TBC1D8: variants seen among roughly 807,000 people sequenced by gnomAD.
TBC1D8 encodes the protein TBC1 domain family member 8.
Under a neutral mutation model 118.8 loss-of-function variants are expected in TBC1D8, and 65 were observed. That is an observed-to-expected ratio of 0.55 (90% CI 0.45 to 0.67). TBC1D8 has a LOEUF of 0.67. TBC1D8 is among the 30% of genes least tolerant of loss of function. The pLI is 0.00. For synonymous variants in TBC1D8, 566 were observed against 595.8 expected (o/e 0.95, Z 0.73); for missense variants, 1,376 against 1,471.2 (o/e 0.94, Z 1.06).
At chr2:101,008,363 G>A (rs1037438511) in intron 19 of TBC1D8, 90 bp from the exon 20 acceptor site, 13 of 1,035,642 alleles carry the variant, frequency 1.3e-5, no homozygotes, top group East Asian at 5.3e-5. Flanking sequence ...TTGAGAAAAC[G>A]ACACAGTATT....
chr2:101,022,424 G>A lies in TBC1D8; in HGVS notation c.2618C>T (p.Ala873Val), dbSNP rs1331898328. 6.2e-7 allele frequency: 1 copy of A among 1,613,288 alleles called. No individual in the cohort carries two copies. Residue 873 changes from alanine (A) to valine (V), a missense_variant, in exon 16 of 20, where the codon GCC (alanine) becomes GTC (valine). By Grantham distance (64) the Ala-to-Val change is moderately conservative. Coordinates refer to ENST00000409318, the MANE Select transcript of TBC1D8 (RefSeq NM_001330348.2). ...RPYAEQYRID[A>V]RQFAHLFQLV... ...CTGAAACAGGTGTGCAAACTGCCGG[G>A]CATCTATGCGGTACTGCTCAGCATA...
intron 15 of TBC1D8, chr2:101,023,528 G>A (rs1437318703): frequency 2.9e-6 from 1 of 348,958 alleles, no homozygotes; most frequent in African/African-American, 2.2e-5. Context: ...GCTACCTGTG[G>A]GGAGGGCCCC....
chr2:101,073,539 C>T (rs1674613790), intron 2 of TBC1D8, among the ~76,000 whole-genome samples: 1 of 152,126 alleles, frequency 6.6e-6, no homozygotes, highest in African/African-American at 2.4e-5. Context: ...CGTGATCCGC[C>T]CGCCTCGGCC....
At chr2:101,042,740 A>T (rs1681459389) in intron 5 of TBC1D8, among the ~76,000 whole-genome samples, 1 of 151,112 alleles carries the variant, frequency 6.6e-6, no homozygotes, top group South Asian at 2.1e-4. Flanking sequence ...ATGACTACAT[A>T]TTAGCTTTAA....
intron 1 of TBC1D8, among the ~76,000 whole-genome samples, chr2:101,142,384 A>C (rs972788198): frequency 5.3e-5 from 8 of 152,140 alleles, no homozygotes; most frequent in Admixed American, 2.0e-4. Flanking sequence ...AGCATAACCT[A>C]ACTCATCCTG....
chr2:101,115,587 C>T (rs1253580142), intron 1 of TBC1D8, among the ~76,000 whole-genome samples: 1 of 152,110 alleles, frequency 6.6e-6, no homozygotes, highest in African/African-American at 2.4e-5. Context: ...CCCATCTCTA[C>T]TAAAAATGTA....
intron 1 of TBC1D8, among the ~76,000 whole-genome samples, chr2:101,103,366 A>C (rs1676986884): frequency 6.6e-6 from 1 of 151,410 alleles, no homozygotes; most frequent in Non-Finnish European, 1.5e-5. Context: ...AAAAAAAAAA[A>C]AACTAAGGAT....
At chr2:101,145,422 T>C (rs1466828669) in intron 1 of TBC1D8, among the ~76,000 whole-genome samples, 5 of 152,228 alleles carry the variant, frequency 3.3e-5, no homozygotes, top group Admixed American at 3.3e-4. Flanking sequence ...AGCCAACATC[T>C]GGGACTTCTA....
At chr2:101,083,039 G>C (rs1675367517) in intron 2 of TBC1D8, among the ~76,000 whole-genome samples, 1 of 152,164 alleles carries the variant, frequency 6.6e-6, no homozygotes, top group Admixed American at 6.5e-5. Context: ...GCAGGTCCAT[G>C]CCTTGCCTGG....
intron 1 of TBC1D8, among the ~76,000 whole-genome samples, chr2:101,149,133 T>A (rs1679442197): frequency 6.6e-6 from 1 of 152,222 alleles, no homozygotes. Flanking sequence ...TTGTAGACTT[T>A]TCCCTCTTTA....
chr2:101,103,843 T>C (rs577733717), intron 1 of TBC1D8, among the ~76,000 whole-genome samples: 90 of 152,054 alleles, frequency 5.9e-4, no homozygotes, highest in Middle Eastern at 3.4e-3. Context: ...TCAGAGTTAA[T>C]GCAGTAAGAT....
chr2:101,089,378 T>C (rs559590788), intron 2 of TBC1D8, among the ~76,000 whole-genome samples: 10 of 152,052 alleles, frequency 6.6e-5, no homozygotes, highest in African/African-American at 2.4e-4. Context: ...TTCTTTCTTA[T>C]CCACTTTTTC....
At position 101,081,603 on chromosome 2, in the gene TBC1D8, C is replaced by T. The variant is rs536092381; in HGVS notation, c.283+8606G>A. ...CCTCCCCATGCTCTCGGGAGGACCCCCACCCTGGCTGCCTCAAAGTAAGGC... is the reference window on the plus strand; with the variant it reads ...CCTCCCCATGCTCTCGGGAGGACCCTCACCCTGGCTGCCTCAAAGTAAGGC... On this transcript the variant is annotated intron_variant, in intron 2 of 19. Coordinates refer to ENST00000409318, the MANE Select transcript of TBC1D8 (RefSeq NM_001330348.2). 2.0e-5 allele frequency among the ~76,000 whole-genome samples: 3 copies of T among 152,322 alleles called. No homozygotes were observed. In the South Asian group the frequency reaches 6.2e-4, roughly 32 times the overall value.
chr2:101,086,928 C>G (rs1011688242), intron 2 of TBC1D8, among the ~76,000 whole-genome samples: 1 of 151,912 alleles, frequency 6.6e-6, no homozygotes, highest in Non-Finnish European at 1.5e-5. Flanking sequence ...AGATTACAGG[C>G]ACCCACAACC....
At chr2:101,020,633 T>C (rs1679976352) in intron 17 of TBC1D8, among the ~76,000 whole-genome samples, 1 of 152,210 alleles carries the variant, frequency 6.6e-6, no homozygotes. Flanking sequence ...GCCTAAGGTA[T>C]AAGATGCCAG....
rs562806423 is a variant in TBC1D8, at chr2:101,038,659, C to T, written c.1081-4G>A. The stretch of plus-strand genomic sequence containing the variant: ...CCATCTTCTCGATGCTCACCACCTG[C>T]GCGAGAGGCAACATGCAGGGACAGA... On this transcript the variant is annotated splice_region_variant and splice_polypyrimidine_tract_variant and intron_variant, in intron 6 of 19. Transcript: ENST00000409318. 6.0e-5 allele frequency: 96 copies of T among 1,613,372 alleles called. No individual in the cohort carries two copies. The highest frequency in any genetic ancestry group is 7.1e-5 in the Non-Finnish European group (84 of 1,179,802).
At chr2:101,074,724 G>T (rs1398862602) in intron 2 of TBC1D8, among the ~76,000 whole-genome samples, 1 of 152,166 alleles carries the variant, frequency 6.6e-6, no homozygotes, top group Non-Finnish European at 1.5e-5. Context: ...TAGAAATCAA[G>T]ATTTTCAGTA....
intron 2 of TBC1D8, among the ~76,000 whole-genome samples, chr2:101,086,774 G>A (rs774189064): frequency 6.6e-6 from 1 of 151,960 alleles, no homozygotes; most frequent in African/African-American, 2.4e-5. Flanking sequence ...TAAAAAAATC[G>A]CAAAAAAATT....
At chr2:101,109,820 A>G in intron 1 of TBC1D8, 12 of 985,418 alleles carry the variant, frequency 1.2e-5, no homozygotes, top group Non-Finnish European at 1.4e-5. Context: ...TAAAAATACT[A>G]CATCATTTAC....
Sources: gnomAD v4.1 joint callset for allele counts (sites outside exome capture counted in the v4.1 genomes callset) on GRCh38, gnomAD v4.1.1 for gene constraint, MANE v1.5 for transcripts, NCBI Gene and HGNC (gene_info 2026-07-23, HGNC 2026-07-21) for gene names.